SYNJ1: variants seen among roughly 807,000 people sequenced by gnomAD.
The protein encoded by SYNJ1 is polyphosphatidylinositol phosphatase SYNJ1.
A neutral mutation model predicts 168.2 loss-of-function variants in SYNJ1; 78 were observed. The observed-to-expected ratio is 0.46, with a 90% CI of 0.39 to 0.56. The LOEUF is 0.56. Ranked by LOEUF, SYNJ1 falls within the 20% of genes least tolerant of loss-of-function variation. SYNJ1 has a pLI of 0.00. For synonymous variants in SYNJ1, 539 were observed against 548.6 expected (o/e 0.98, Z 0.24); for missense variants, 1,303 against 1,597.6 (o/e 0.82, Z 3.14).
chr21:32,689,549 C>T (rs986259948), intron 6 of SYNJ1, among the ~76,000 whole-genome samples: 1 of 152,228 alleles, frequency 6.6e-6, no homozygotes, highest in Non-Finnish European at 1.5e-5. Flanking sequence ...CCCGCCTCAG[C>T]CTCCCAAAGT....
chr21:32,638,514 T>G (rs2039680066), intron 31 of SYNJ1, among the ~76,000 whole-genome samples: 1 of 152,082 alleles, frequency 6.6e-6, no homozygotes, highest in African/African-American at 2.4e-5. Flanking sequence ...CTGGCTAACA[T>G]GGTGAAACCC....
chr21:32,658,638 G>C (rs903846321), intron 18 of SYNJ1: 1 of 152,240 alleles, frequency 6.6e-6, no homozygotes, highest in African/African-American at 2.4e-5. Context: ...ACTTTCTGTG[G>C]GGCTTCAGGG....
chr21:32,670,290 T>C lies in SYNJ1; in HGVS notation c.1809A>G (p.Ala603=), dbSNP rs1489270132. The stretch of plus-strand genomic sequence containing the variant: ...GTGGATTAATGTGGCTAGCTTACCT[T>C]GCACTCACAATGTTTCCAGCATTCA... ...VELNAGNIVS[A]STTNQKLWAV... is the part of the protein sequence containing the mutation. The change falls in exon 15 of 33, where the codon GCA becomes GCG. Residue 603 remains alanine, a splice_region_variant and synonymous_variant. Transcript: ENST00000674351. 1.9e-6 allele frequency: 3 copies of C among 1,612,926 alleles called. No individual in the cohort carries two copies. Among genetic ancestry groups the C allele is most frequent in the Non-Finnish European group, 2.5e-6 (3 of 1,179,562 alleles).
chr21:32,664,815 A>C, intron 18 of SYNJ1, 98 bp downstream of exon 18: 1 of 1,135,994 alleles, frequency 8.8e-7, no homozygotes, highest in Non-Finnish European at 1.2e-6. Context: ...ATTTAAGTAC[A>C]AAAAGACCCC....
chr21:32,636,289 T>C (rs1026144241), intron 31 of SYNJ1, among the ~76,000 whole-genome samples: 3 of 152,234 alleles, frequency 2.0e-5, no homozygotes, highest in Non-Finnish European at 4.4e-5. Context: ...AGAAGTCAGA[T>C]AGATAAGTGA....
At chr21:32,710,291 G>A (rs1054765880) in intron 2 of SYNJ1, among the ~76,000 whole-genome samples, 2 of 152,084 alleles carry the variant, frequency 1.3e-5, no homozygotes, top group African/African-American at 4.8e-5. Context: ...TCCATGAGTT[G>A]ATATTATGGA....
chr21:32,648,983 A>G (rs559048875), intron 23 of SYNJ1, among the ~76,000 whole-genome samples: 1 of 152,282 alleles, frequency 6.6e-6, no homozygotes, highest in East Asian at 1.9e-4. Context: ...TTCTTCTTGG[A>G]TCACTCCTCT....
intron 21 of SYNJ1, chr21:32,653,958 T>C (rs2145833706): frequency 6.6e-6 from 1 of 152,176 alleles, no homozygotes; most frequent in South Asian, 2.1e-4. Context: ...ATTCCAAGTT[T>C]TTACTTTTGA....
At position 32,631,342 on chromosome 21, in the gene SYNJ1, C is replaced by G. The variant is rs2039317846; in HGVS notation, c.*463G>C. On this transcript the variant is annotated 3_prime_UTR_variant, in exon 33 of 33. Transcript: ENST00000674351. Reference sequence around the variant, plus strand: ...AGATCAAAACTGTCCTTAAAGCCATCAAGTGAAGATGAAGCCCTGCTTTTG... The same window carrying G: ...AGATCAAAACTGTCCTTAAAGCCATGAAGTGAAGATGAAGCCCTGCTTTTG... The G allele has an allele frequency of 6.2e-7, 1 of 1,614,148 alleles. No individual in the cohort carries two copies. The highest frequency in any genetic ancestry group is 2.2e-5 in the East Asian group (1 of 44,886).
intron 4 of SYNJ1, among the ~76,000 whole-genome samples, chr21:32,696,246 G>A (rs1453977316): frequency 6.6e-6 from 1 of 152,206 alleles, no homozygotes. Flanking sequence ...TACCACATTA[G>A]ATAGTGCAGG....
intron 21 of SYNJ1, among the ~76,000 whole-genome samples, chr21:32,655,595 C>T (rs1221833974): frequency 1.3e-5 from 2 of 152,070 alleles, no homozygotes; most frequent in African/African-American, 4.8e-5. Context: ...TACACACATG[C>T]TGACTTTCCC....
chr21:32,686,688 G>A (rs758528648), intron 8 of SYNJ1, among the ~76,000 whole-genome samples: 3 of 152,202 alleles, frequency 2.0e-5, no homozygotes, highest in African/African-American at 4.8e-5. Flanking sequence ...ACTAGTGACA[G>A]ATAAACATTT....
At chr21:32,710,067 G>A (rs1308011411) in intron 2 of SYNJ1, among the ~76,000 whole-genome samples, 1 of 151,940 alleles carries the variant, frequency 6.6e-6, no homozygotes, top group African/African-American at 2.4e-5. Context: ...GCCGGGCATG[G>A]TTGCAGACAC....
chr21:32,697,265 T>A (rs2042244057), intron 4 of SYNJ1, among the ~76,000 whole-genome samples: 1 of 152,212 alleles, frequency 6.6e-6, no homozygotes, highest in Admixed American at 6.5e-5. Context: ...ATTACATGGT[T>A]GTATCCTGGA....
At position 32,694,317 on chromosome 21, in the gene SYNJ1, G is replaced by GAA; in HGVS notation, c.706-8_706-7dup. 8.7e-6 allele frequency: 13 copies of GAA among 1,494,234 alleles called. No homozygotes were observed. The East Asian group carries it at 1.0e-4, about 12-fold the overall frequency. The allele number at this position is 1,494,234 out of a possible 1,614,324, so 92.6% of individuals were successfully genotyped here. ...GAGTCATCTAAGTACACAACCTACA[G>GAA]AAAAAAAAATAATATGTAAACTATT... On this transcript the variant is annotated splice_region_variant and splice_polypyrimidine_tract_variant and intron_variant, in intron 5 of 32. Transcript: ENST00000674351.
chr21:32,706,916 T>C (rs1476182535), intron 2 of SYNJ1, among the ~76,000 whole-genome samples: 1 of 152,212 alleles, frequency 6.6e-6, no homozygotes, highest in South Asian at 2.1e-4. Context: ...TTACATAAAA[T>C]AATATGTATA....
intron 2 of SYNJ1, among the ~76,000 whole-genome samples, chr21:32,718,103 G>A (rs1003649264): frequency 1.4e-4 from 22 of 152,246 alleles, no homozygotes; most frequent in African/African-American, 4.8e-4. Flanking sequence ...CTCCACTATG[G>A]TCAGAAGCTC....
intron 6 of SYNJ1, among the ~76,000 whole-genome samples, chr21:32,689,842 T>C (rs754219628): frequency 6.6e-6 from 1 of 152,272 alleles, no homozygotes; most frequent in Non-Finnish European, 1.5e-5. Flanking sequence ...ATGTCACATC[T>C]GTGTTCAATT....
chr21:32,712,384 T>C (rs2042860660), intron 2 of SYNJ1, among the ~76,000 whole-genome samples: 2 of 152,200 alleles, frequency 1.3e-5, no homozygotes, highest in South Asian at 4.1e-4. Flanking sequence ...CATAACTAGC[T>C]GGCAGTAAAG....
Sources: allele counts gnomAD v4.1 joint callset (sites outside exome capture counted in the v4.1 genomes callset), GRCh38; gene constraint gnomAD v4.1.1; transcripts MANE v1.5; gene names NCBI Gene and HGNC (gene_info 2026-07-23, HGNC 2026-07-21).